Variants in USP32 observed in about 807,000 individuals in gnomAD.
USP32 encodes the protein ubiquitin specific peptidase 32, also known as ubiquitin carboxyl-terminal hydrolase 32.
A neutral mutation model predicts 204.8 loss-of-function variants in USP32; 59 were observed. That is an observed-to-expected ratio of 0.29 (90% CI 0.23 to 0.36). The LOEUF (loss-of-function observed/expected upper bound fraction) is 0.36, where lower values mean the gene tolerates loss of function less well. Among genes scored for constraint, USP32 ranks in the 10% least tolerant of loss-of-function variants. The pLI, the probability that USP32 is intolerant of heterozygous loss-of-function variation, is 1.00. For missense variants in USP32, 1,160 were observed against 1,946.4 expected, an observed-to-expected ratio of 0.60 and a Z score of 7.60; for synonymous variants, 517 against 678.4, an observed-to-expected ratio of 0.76 and a Z score of 3.70.
intron 12 of USP32, among the ~76,000 whole-genome samples, chr17:60,231,364 T>C (rs979830784): frequency 6.6e-6 from 1 of 152,230 alleles, no homozygotes; most frequent in Non-Finnish European, 1.5e-5. Flanking sequence ...AAGGCAGGAC[T>C]CAGGACACTG....
intron 1 of USP32, among the ~76,000 whole-genome samples, chr17:60,352,746 A>C (rs1050218458): frequency 6.6e-6 from 1 of 152,216 alleles, no homozygotes; most frequent in African/African-American, 2.4e-5. Flanking sequence ...GAACTCAACA[A>C]AAGAACTCGA....
chr17:60,276,205 C>G (rs2145806239), intron 5 of USP32, among the ~76,000 whole-genome samples: 1 of 152,028 alleles, frequency 6.6e-6, no homozygotes, highest in African/African-American at 2.4e-5. Flanking sequence ...ATAGTGAGAC[C>G]CTGTTTCAAC....
At chr17:60,229,658 T>C (rs1480925940) in intron 12 of USP32, among the ~76,000 whole-genome samples, 1 of 152,224 alleles carries the variant, frequency 6.6e-6, no homozygotes, top group African/African-American at 2.4e-5. Context: ...TCCAAGTCAC[T>C]TTGTTTTCCT....
intron 15 of USP32, 134 bp downstream of exon 15, chr17:60,222,275 C>T (rs2085272216): frequency 4.0e-6 from 4 of 995,070 alleles, no homozygotes; most frequent in Non-Finnish European, 5.9e-6. Flanking sequence ...ATTGAACAAT[C>T]CACACAGGTT....
intron 1 of USP32, among the ~76,000 whole-genome samples, chr17:60,378,216 T>C (rs1335507107): frequency 2.0e-5 from 3 of 152,094 alleles, no homozygotes; most frequent in Non-Finnish European, 1.5e-5. Flanking sequence ...CACTAGCCAT[T>C]AGGAAACTAA....
In USP32 at chr17:60,198,450, T is replaced by G; in HGVS notation, c.3250-6A>C. ...AAATACAGTTCTGTCCTCATCTGTA[T>G]GTACAAACAAGAGAATAGAGAGTTC... On this transcript the variant is annotated splice_polypyrimidine_tract_variant and splice_region_variant and intron_variant, in intron 26 of 33. Coordinates refer to ENST00000300896, the MANE Select transcript of USP32 (RefSeq NM_032582.4). The G allele has an allele frequency of 2.5e-6, 4 of 1,613,526 alleles. No individual in the cohort carries two copies. Among genetic ancestry groups the G allele is most frequent in the Non-Finnish European group, 3.4e-6 (4 of 1,179,824 alleles).
At chr17:60,348,592 T>C (rs555987019) in intron 1 of USP32, among the ~76,000 whole-genome samples, 4 of 152,034 alleles carry the variant, frequency 2.6e-5, no homozygotes, top group African/African-American at 4.8e-5. Context: ...CTAGGCAACA[T>C]AGTGAGACCC....
At chr17:60,180,685 T>G (rs777361415) in intron 32 of USP32, 48 bp from the exon 33 acceptor site, 18 of 1,563,780 alleles carry the variant, frequency 1.2e-5, no homozygotes, top group Non-Finnish European at 1.6e-5. Flanking sequence ...AACTGTACTA[T>G]GGCCAGGGTA....
intron 1 of USP32, among the ~76,000 whole-genome samples, chr17:60,367,069 C>T (rs528807545): frequency 7.9e-5 from 12 of 152,166 alleles, no homozygotes; most frequent in Admixed American, 7.2e-4. Flanking sequence ...CCTTGTGATC[C>T]GCCCCCCTTG....
chr17:60,392,542 G>A (rs1206242670), upstream of USP32: 2 of 398,710 alleles, frequency 5.0e-6, no homozygotes, highest in South Asian at 1.7e-5. Context: ...AGCAGCTGAC[G>A]GTTAGTGTGG....
intron 1 of USP32, among the ~76,000 whole-genome samples, chr17:60,385,377 T>TG (rs2089712799): frequency 6.6e-6 from 1 of 152,140 alleles, no homozygotes; most frequent in Admixed American, 6.5e-5. Flanking sequence ...GTCTGTTTGG[T>TG]GGTCTCTTCA....
In USP32 at chr17:60,178,938, C is replaced by A. The variant is rs1317240962; in HGVS notation, c.*317G>T. On this transcript the variant is annotated 3_prime_UTR_variant, in exon 34 of 34. Coordinates refer to ENST00000300896, the MANE Select transcript of USP32 (RefSeq NM_032582.4). ...ATTATGGTAAACTCTATACTCACTA[C>A]ATATTTGTTCATATCTGGACAAGCA... 3.3e-5 allele frequency among the ~76,000 whole-genome samples: 5 copies of A among 152,232 alleles called. No homozygotes were observed. The highest frequency in any genetic ancestry group is 5.9e-5 in the Non-Finnish European group (4 of 68,038).
At chr17:60,246,638 G>C (rs190812852) in intron 11 of USP32, among the ~76,000 whole-genome samples, 1 of 152,218 alleles carries the variant, frequency 6.6e-6, no homozygotes, top group East Asian at 1.9e-4. Flanking sequence ...CATATTGACT[G>C]TACTAATTTA....
rs60195146 is a variant in USP32 at position 60,294,383 on chromosome 17, A to AGTGT, written c.411+296_411+299dup. On this transcript the variant is annotated intron_variant, in intron 4 of 33. Transcript: ENST00000300896. ...GAGCACTGTTTCAGGTTCCTGCAGGAGTGTGTGTGTGTGTGTGTGTGTGTG... is the reference window on the plus strand; with the variant it reads ...GAGCACTGTTTCAGGTTCCTGCAGGAGTGTGTGTGTGTGTGTGTGTGTGTGTGTG... Among the ~76,000 whole-genome samples the AGTGT allele has an allele frequency of 3.7e-3, 536 of 146,482 alleles. 4 individuals carry two copies. The highest frequency in any genetic ancestry group is 0.01 in the African/African-American group (411 of 39,692).
chr17:60,389,672 C>T (rs577168546), intron 1 of USP32, among the ~76,000 whole-genome samples: 57 of 152,104 alleles, frequency 3.7e-4, no homozygotes, highest in Admixed American at 1.4e-3. Context: ...ATTTTATCAA[C>T]TTGCTGCTCT....
intron 1 of USP32, among the ~76,000 whole-genome samples, chr17:60,402,961 C>A (rs2089947502): frequency 6.6e-6 from 1 of 152,064 alleles, no homozygotes; most frequent in Admixed American, 6.5e-5. Flanking sequence ...AGGTGAGCAT[C>A]CTGAAAAGAG....
chr17:60,201,523 A>C (rs1459521106), intron 26 of USP32, among the ~76,000 whole-genome samples: 1 of 152,068 alleles, frequency 6.6e-6, no homozygotes, highest in Non-Finnish European at 1.5e-5. Flanking sequence ...TTATATTCTC[A>C]TCAGCATGGT....
intron 2 of USP32, among the ~76,000 whole-genome samples, chr17:60,322,528 A>G (rs2088139089): frequency 6.6e-6 from 1 of 152,174 alleles, no homozygotes; most frequent in Admixed American, 6.5e-5. Context: ...AATAGATGTA[A>G]TTTCAGAAAA....
intron 1 of USP32, among the ~76,000 whole-genome samples, chr17:60,379,669 A>C (rs1470807452): frequency 6.6e-6 from 1 of 152,248 alleles, no homozygotes; most frequent in Non-Finnish European, 1.5e-5. Flanking sequence ...CTGTAATTAT[A>C]AACTTCAGTC....
Sources: gnomAD v4.1 joint callset for allele counts (sites outside exome capture counted in the v4.1 genomes callset) on GRCh38, gnomAD v4.1.1 for gene constraint, MANE v1.5 for transcripts, NCBI Gene and HGNC (gene_info 2026-07-23, HGNC 2026-07-21) for gene names.